NT5C3B: variants seen among roughly 807,000 people sequenced by gnomAD.
The protein encoded by NT5C3B is 5'-nucleotidase, cytosolic IIIB.
Under a neutral mutation model 32.5 loss-of-function variants are expected in NT5C3B, and 28 were observed. That is an observed-to-expected ratio of 0.86 (90% CI 0.64 to 1.18). NT5C3B has a LOEUF of 1.18. Among genes scored for constraint, NT5C3B ranks in the 50% most tolerant of loss-of-function variants. NT5C3B has a pLI of 0.00. For missense variants in NT5C3B, 317 were observed against 322.0 expected, an observed-to-expected ratio of 0.98 and a Z score of 0.12; for synonymous variants, 138 against 118.0, an observed-to-expected ratio of 1.17 and a Z score of -1.10.
chr17:41,830,972 C>T (rs1555618953), intron 5 of NT5C3B, 82 bp from the exon 6 acceptor site: 1 of 888,882 alleles, frequency 1.1e-6, no homozygotes, highest in African/African-American at 1.7e-5. Context: ...GAGCCAAGTA[C>T]CCTCTGACAG....
At chr17:41,827,716 A>G in intron 7 of NT5C3B, 90 bp from the exon 8 acceptor site, 1 of 708,278 alleles carries the variant, frequency 1.4e-6, no homozygotes, top group African/African-American at 1.8e-5. Context: ...AGAAAAGGGA[A>G]TCCCAAAAGT....
intron 5 of NT5C3B, among the ~76,000 whole-genome samples, chr17:41,831,191 C>T (rs781828728): frequency 6.6e-6 from 1 of 151,922 alleles, no homozygotes; most frequent in Non-Finnish European, 1.5e-5. Context: ...TGGTGGTGCA[C>T]GCCTGTAGTC....
chr17:41,834,786 A>T (rs568046157), intron 4 of NT5C3B, among the ~76,000 whole-genome samples: 79 of 152,268 alleles, frequency 5.2e-4, no homozygotes, highest in Non-Finnish European at 8.2e-4. Flanking sequence ...ATTTGGCTGT[A>T]TGACCCTGGG....
chr17:41,835,813 TC>T (rs782007436), intron 2 of NT5C3B, 45 bp downstream of exon 2: 35 of 1,542,642 alleles, frequency 2.3e-5, no homozygotes, highest in Non-Finnish European at 6.2e-6. Flanking sequence ...AGGAAGCCTC[TC>T]CAGCCGCCCC....
At position 41,832,542 on chromosome 17, in the gene NT5C3B, C is replaced by T; in HGVS notation, c.229-65G>A. 3.4e-6 allele frequency: 5 copies of T among 1,460,732 alleles called. No homozygotes were observed. In the South Asian group the frequency reaches 4.6e-5, roughly 13 times the overall value. 90.5% of individuals were successfully genotyped at this position (1,460,732 alleles called of 1,614,324 possible). A position where few individuals can be genotyped will look rare whatever the true frequency, so the allele number is the denominator to read the frequency against. ...TCAAGTTCTTCCCAGCAACGTCCTACAGCTTAGTATGAGAAAAAAGTCACC... is the reference window on the plus strand; with the variant it reads ...TCAAGTTCTTCCCAGCAACGTCCTATAGCTTAGTATGAGAAAAAAGTCACC... On this transcript the variant is annotated intron_variant, in intron 4 of 8. Transcript: ENST00000435506.
intron 8 of NT5C3B, among the ~76,000 whole-genome samples, chr17:41,826,211 A>ATTTC (rs58327354): frequency 0.028 from 4,146 of 150,430 alleles, 203 homozygotes; most frequent in African/African-American, 0.097. Flanking sequence ...TCTGGACTGA[A>ATTTC]TTTCTTTCTT....
intron 6 of NT5C3B, 112 bp downstream of exon 6, chr17:41,830,689 C>T: frequency 2.7e-6 from 2 of 749,510 alleles, no homozygotes; most frequent in Admixed American, 2.1e-5. Flanking sequence ...GTGCCATGTC[C>T]CTTCCGGTCC....
chr17:41,829,224 G>A (rs926182450), intron 6 of NT5C3B, among the ~76,000 whole-genome samples: 14 of 152,078 alleles, frequency 9.2e-5, no homozygotes, highest in African/African-American at 3.4e-4. Context: ...GTTTTCCTCT[G>A]TTGCCCAGGC....
intron 8 of NT5C3B, among the ~76,000 whole-genome samples, chr17:41,826,434 GCTGGTCTTAAACTC>G (rs1182299738): frequency 6.6e-6 from 1 of 152,080 alleles, no homozygotes; most frequent in African/African-American, 2.4e-5. Flanking sequence ...TGTTGCCCAG[GCTGGTCTTAAACTC>G]CTGGCCTCAA....
At chr17:41,826,571 T>A (rs1208452387) in intron 8 of NT5C3B, among the ~76,000 whole-genome samples, 2 of 151,788 alleles carry the variant, frequency 1.3e-5, no homozygotes, top group African/African-American at 4.8e-5. Context: ...TCACCCAGAC[T>A]GGAGTGCAGT....
chr17:41,830,352 A>T (rs1381119865), intron 6 of NT5C3B, among the ~76,000 whole-genome samples: 1 of 152,238 alleles, frequency 6.6e-6, no homozygotes, highest in African/African-American at 2.4e-5. Context: ...TACTAAAAAT[A>T]CAAAAATTAG....
chr17:41,825,696 A>G lies in NT5C3B; in HGVS notation c.769-39T>C, dbSNP rs374997494. ...GAGGCAGAAGCCAGAGGGTCCCCAA[A>G]TGCCCTGCCCTCCGTAGCTCACTCT... is the stretch of plus-strand genomic sequence containing the variant. On this transcript the variant is annotated intron_variant, in intron 8 of 8. Transcript: ENST00000435506. 1.4e-5 allele frequency: 12 copies of G among 871,148 alleles called. No individual in the cohort carries two copies. The African/African-American group carries it at 2.0e-4, about 14-fold the overall frequency. The allele number at this position is 871,148 out of a possible 1,614,324, so 54.0% of individuals were successfully genotyped here.
intron 4 of NT5C3B, among the ~76,000 whole-genome samples, chr17:41,833,317 T>A (rs1200455575): frequency 1.3e-5 from 2 of 151,618 alleles, no homozygotes; most frequent in Admixed American, 1.3e-4. Context: ...CATTTTCATG[T>A]ACAATTTTTT....
Position 41,828,909 on chromosome 17 carries a change from T to C in NT5C3B, c.448A>G (p.Ile150Val). ...TFFNTLYHNN[I>V]PLFIFSAGIG... ...CCCGCAGAAAAGATGAAAAGGGGAA[T>C]GTTGTTATGGTAGAGTGTGTTGAAG... The change falls in exon 7 of 9, where the codon ATT (isoleucine) becomes GTT (valine). Residue 150 changes from isoleucine to valine, a missense_variant. Transcript: ENST00000435506. 1 of 1,614,016 alleles carries C rather than the reference T, an allele frequency of 6.2e-7. No individual in the cohort carries two copies. The highest frequency in any genetic ancestry group is 8.5e-7 in the Non-Finnish European group (1 of 1,179,884).
In NT5C3B at chr17:41,825,669, G is replaced by A; in HGVS notation, c.769-12C>T. ...CGCCGCTCCTCCACCTGCCCGGAATGAGAGGCAGAAGCCAGAGGGTCCCCA... is the reference window on the plus strand; with the variant it reads ...CGCCGCTCCTCCACCTGCCCGGAATAAGAGGCAGAAGCCAGAGGGTCCCCA... On this transcript the variant is annotated splice_polypyrimidine_tract_variant and intron_variant, in intron 8 of 8. Transcript: ENST00000435506. The A allele has an allele frequency of 1.1e-6, 1 of 872,714 alleles. No homozygotes were observed. 54.1% of individuals were successfully genotyped at this position (872,714 alleles called of 1,614,324 possible). A position where few individuals can be genotyped will look rare whatever the true frequency, so the allele number is the denominator to read the frequency against.
chr17:41,826,951 G>A (rs2047975691), intron 8 of NT5C3B, among the ~76,000 whole-genome samples: 1 of 145,970 alleles, frequency 6.9e-6, no homozygotes, highest in Admixed American at 7.0e-5. Context: ...AGTAAGCCAA[G>A]ATGGCGCCAC....
At chr17:41,827,357 A>G in intron 8 of NT5C3B, 69 bp downstream of exon 8, 1 of 744,252 alleles carries the variant, frequency 1.3e-6, no homozygotes, top group Admixed American at 2.3e-5. Context: ...ATGTGTTCAA[A>G]GGCATTTGTT....
At position 41,835,847 on chromosome 17, in the gene NT5C3B, C is replaced by T. The variant is rs2048143966; in HGVS notation, c.111+12G>A. On this transcript the variant is annotated intron_variant, in intron 2 of 8. Coordinates refer to ENST00000435506, the MANE Select transcript of NT5C3B (RefSeq NM_052935.5). ...CCCCAGCCCGGCCGGCCCCCGCACG[C>T]CCCAGAGGTACCTGTAACCGGTCTC... The T allele has an allele frequency of 5.6e-6, 9 of 1,603,166 alleles. No individual in the cohort carries two copies. Among genetic ancestry groups the T allele is most frequent in the Non-Finnish European group, 7.7e-6 (9 of 1,175,890 alleles).
intron 7 of NT5C3B, 109 bp downstream of exon 7, chr17:41,828,681 G>T: frequency 1.9e-6 from 2 of 1,038,032 alleles, no homozygotes; most frequent in Non-Finnish European, 1.4e-6. Flanking sequence ...AGAAGCTAGA[G>T]TGGCTTCCCT....
Sources: gnomAD v4.1 joint callset for allele counts (sites outside exome capture counted in the v4.1 genomes callset) on GRCh38, gnomAD v4.1.1 for gene constraint, MANE v1.5 for transcripts, NCBI Gene and HGNC (gene_info 2026-07-23, HGNC 2026-07-21) for gene names.